The following DMTN variants were observed in gnomAD, a reference collection of about 807,000 sequenced individuals.
DMTN encodes dematin actin binding protein, also known as dematin.
Under a neutral mutation model 59.4 loss-of-function variants are expected in DMTN, and 27 were observed. That is an observed-to-expected ratio of 0.45 (90% CI 0.33 to 0.63). DMTN has a LOEUF of 0.63. Among genes scored for constraint, DMTN ranks in the 20% least tolerant of loss-of-function variants. The pLI is 0.02. For synonymous variants in DMTN, 221 were observed against 203.7 expected (o/e 1.08, Z -0.72); for missense variants, 451 against 528.9 (o/e 0.85, Z 1.45).
chr8:22,049,569 AC>A (rs56893612), upstream of DMTN, among the ~76,000 whole-genome samples: 1,694 of 126,388 alleles, frequency 0.013, 19 homozygotes, highest in African/African-American at 0.028. Flanking sequence ...CGCAGGGACA[AC>A]CCCCCCCCCC....
At chr8:22,078,210 C>T (rs564082133) in intron 10 of DMTN, among the ~76,000 whole-genome samples, 35 of 151,678 alleles carry the variant, frequency 2.3e-4, no homozygotes, top group African/African-American at 8.0e-4. Flanking sequence ...AACAAAAATA[C>T]AAAAATTAGC....
At chr8:22,077,760 C>G (rs1006397018) in intron 10 of DMTN, among the ~76,000 whole-genome samples, 2 of 152,056 alleles carry the variant, frequency 1.3e-5, no homozygotes, top group Non-Finnish European at 2.9e-5. Flanking sequence ...ATTTAAACAA[C>G]CTGAATTCTA....
upstream of DMTN, among the ~76,000 whole-genome samples, chr8:22,049,675 C>T (rs1475579252): frequency 6.6e-6 from 1 of 151,394 alleles, no homozygotes; most frequent in Non-Finnish European, 1.5e-5. Context: ...CCTACCCTCA[C>T]GGAGCCCTCT....
intron 10 of DMTN, among the ~76,000 whole-genome samples, chr8:22,074,917 G>A (rs556902389): frequency 2.0e-5 from 3 of 152,192 alleles, no homozygotes; most frequent in African/African-American, 7.2e-5. Flanking sequence ...GTCCCGGCAT[G>A]GTGGCTCACA....
chr8:22,068,285 T>C (rs1812408296), intron 4 of DMTN, among the ~76,000 whole-genome samples: 1 of 152,186 alleles, frequency 6.6e-6, no homozygotes, highest in Non-Finnish European at 1.5e-5. Context: ...ATTCCCCAAC[T>C]GGTTCCCAGG....
At chr8:22,081,262 C>T (rs2131611634) in intron 15 of DMTN, 69 bp downstream of exon 15, 2 of 1,603,922 alleles carry the variant, frequency 1.2e-6, no homozygotes, top group East Asian at 4.5e-5. Flanking sequence ...GGGGGAAGAT[C>T]TGGGGCCTCT....
chr8:22,068,962 G>T, intron 4 of DMTN, 54 bp from the exon 5 acceptor site: 1 of 1,594,488 alleles, frequency 6.3e-7, no homozygotes, highest in Non-Finnish European at 8.6e-7. Flanking sequence ...GGAATTCTAG[G>T]GAAGAGGCTG....
rs1041571793 is a variant in DMTN at position 22,081,698 on chromosome 8, G to A, written c.*235G>A. 1 of 592,222 alleles carries A rather than the reference G, an allele frequency of 1.7e-6. No individual in the cohort carries two copies. Among genetic ancestry groups the A allele is most frequent in the African/African-American group, 1.8e-5 (1 of 54,258 alleles). 36.7% of individuals were successfully genotyped at this position (592,222 alleles called of 1,614,324 possible). A position where few individuals can be genotyped will look rare whatever the true frequency, so the allele number is the denominator to read the frequency against. On this transcript the variant is annotated 3_prime_UTR_variant, in exon 16 of 16. Transcript: ENST00000358242. ...GCCCTCCCTGCACAGGGCAAAGCCA[G>A]TCTGGGCTCTGGCACACAGAGTTCA...
chr8:22,050,466 C>T (rs1217996227), upstream of DMTN, among the ~76,000 whole-genome samples: 1 of 152,102 alleles, frequency 6.6e-6, no homozygotes, highest in Non-Finnish European at 1.5e-5. Context: ...TTAGAGACGG[C>T]TTCAAAGGTG....
intron 1 of DMTN, among the ~76,000 whole-genome samples, chr8:22,062,819 A>G (rs1450330487): frequency 8.5e-6 from 1 of 117,366 alleles, no homozygotes; most frequent in Admixed American, 9.2e-5. Flanking sequence ...CCTCCCTCCC[A>G]TTCTTTCTCT....
At position 22,058,161 on chromosome 8, in the gene DMTN, C is replaced by T. The variant is rs968865154; in HGVS notation, c.-172+1025C>T. ...CTCCCCGCGTGCATGCGTCCTGCAA[C>T]GGTTTCAGCGCGGGCGCTTCTGCCT... On this transcript the variant is annotated intron_variant, in intron 1 of 15. Transcript: ENST00000358242. The surrounding 1 kb of genome is among the most constrained non-coding windows in gnomAD (Gnocchi z 4.3). Among the ~76,000 whole-genome samples, 9 of 152,004 alleles carry T rather than the reference C, an allele frequency of 5.9e-5. No homozygotes were observed. Among genetic ancestry groups the T allele is most frequent in the African/African-American group, 1.4e-4 (6 of 41,386 alleles).
Position 22,082,178 on chromosome 8 carries a change from G to A in DMTN, c.*715G>A, listed in dbSNP as rs1314186390. 2 of 456,696 alleles carry A rather than the reference G, an allele frequency of 4.4e-6. No individual in the cohort carries two copies. The highest frequency in any genetic ancestry group is 8.8e-6 in the Non-Finnish European group (2 of 226,992). The allele number at this position is 456,696 out of a possible 1,614,324, so 28.3% of individuals were successfully genotyped here. The stretch of plus-strand genomic sequence containing the variant: ...TAAGCCAGGCACCGGGCAGAAGCTG[G>A]GCCTTCCGCCTCCCTTGGATGGGGT... On this transcript the variant is annotated 3_prime_UTR_variant, in exon 16 of 16. Transcript: ENST00000358242.
chr8:22,081,092 T>TGGGGGGGGGGGGGGGGG, intron 14 of DMTN, 21 bp from the exon 15 acceptor site: 80 of 1,547,052 alleles, frequency 5.2e-5, no homozygotes, highest in Non-Finnish European at 6.5e-5. Flanking sequence ...AGCCTAAGAT[T>TGGGGGGGGGGGGGGGGG]GCCCCTCCCC....
At chr8:22,050,983 AGAG>A (rs1324622333), upstream of DMTN, among the ~76,000 whole-genome samples, 2 of 152,238 alleles carry the variant, frequency 1.3e-5, no homozygotes, top group Non-Finnish European at 2.9e-5. Context: ...ATGGCACTTC[AGAG>A]GAGATTTAAC....
intron 6 of DMTN, among the ~76,000 whole-genome samples, 161 bp from the exon 7 acceptor site, chr8:22,069,720 C>G (rs1475742144): frequency 6.6e-6 from 1 of 152,144 alleles, no homozygotes; most frequent in African/African-American, 2.4e-5. Context: ...TAAAATGTCC[C>G]AAACCCCTGA....
intron 10 of DMTN, among the ~76,000 whole-genome samples, chr8:22,076,485 G>T (rs935769688): frequency 6.6e-6 from 1 of 151,970 alleles, no homozygotes; most frequent in African/African-American, 2.4e-5. Context: ...TGTGCCTGTA[G>T]TCTCAGCTAG....
In DMTN at chr8:22,067,701, G is replaced by A. The variant is rs1381388641; in HGVS notation, c.249+19G>A. 6.2e-7 allele frequency: 1 copy of A among 1,612,046 alleles called. No individual in the cohort carries two copies. Among genetic ancestry groups the A allele is most frequent in the Admixed American group, 1.7e-5 (1 of 59,996 alleles). ...CCGCGAGGTGAGGGGGCTCCTCTTGGGCAGGACTCCGGGGGAGGCCCCCCC... is the reference window on the plus strand; with the variant it reads ...CCGCGAGGTGAGGGGGCTCCTCTTGAGCAGGACTCCGGGGGAGGCCCCCCC... On this transcript the variant is annotated intron_variant, in intron 4 of 15. Transcript: ENST00000358242.
At position 22,066,957 on chromosome 8, in the gene DMTN, G is replaced by A. The variant is rs897902139; in HGVS notation, c.18+64G>A. On this transcript the variant is annotated intron_variant, in intron 2 of 15. Coordinates refer to ENST00000358242, the MANE Select transcript of DMTN (RefSeq NM_001387751.1). ...GGTGGGGGCCGCTTGGGAGTCCAGG[G>A]CGCCACCTGGTGGCCACCCGCCGCG... 1.1e-5 allele frequency: 14 copies of A among 1,244,916 alleles called. No individual in the cohort carries two copies. The African/African-American group carries it at 1.7e-4, about 15-fold the overall frequency. 77.1% of individuals were successfully genotyped at this position (1,244,916 alleles called of 1,614,324 possible).
In DMTN at chr8:22,066,706, C is replaced by T; in HGVS notation, c.-170C>T. The T allele has an allele frequency of 1.5e-6, 1 of 656,532 alleles. No individual in the cohort carries two copies. The highest frequency in any genetic ancestry group is 2.1e-6 in the Non-Finnish European group (1 of 472,356). The allele number at this position is 656,532 out of a possible 1,614,324, so 40.7% of individuals were successfully genotyped here. A position where few individuals can be genotyped will look rare whatever the true frequency, so the allele number is the denominator to read the frequency against. On this transcript the variant is annotated splice_region_variant and 5_prime_UTR_variant, in exon 2 of 16. Coordinates refer to ENST00000358242, the MANE Select transcript of DMTN (RefSeq NM_001387751.1). ...GGCCTCCCTCCCTTCTCCCCGCAGC[C>T]TGGAGAGTCACCGCCGAGGGATGAG...
Sources: allele counts gnomAD v4.1 joint callset (sites outside exome capture counted in the v4.1 genomes callset), GRCh38; gene constraint gnomAD v4.1.1; non-coding constraint Gnocchi (gnomAD v3.1); transcripts MANE v1.5; gene names NCBI Gene and HGNC (gene_info 2026-07-23, HGNC 2026-07-21).